The following NR1D2 variants were observed in gnomAD, a reference collection of about 807,000 sequenced individuals.
NR1D2 encodes V-erbA-related protein 1-related.
In NR1D2, 25 loss-of-function variants were observed where a neutral mutation model predicts 52.2. The observed-to-expected ratio is 0.48, with a 90% CI of 0.35 to 0.67. The LOEUF (loss-of-function observed/expected upper bound fraction) is 0.67, where lower values mean the gene tolerates loss of function less well. Among genes scored for constraint, NR1D2 ranks in the 30% least tolerant of loss-of-function variants. The pLI is 0.01. For missense variants in NR1D2, 681 were observed against 707.2 expected (o/e 0.96, Z 0.42); for synonymous variants, 259 against 230.1 (o/e 1.13, Z -1.14).
intron 5 of NR1D2, among the ~76,000 whole-genome samples, chr3:23,963,947 G>C (rs1168651891): frequency 6.8e-6 from 1 of 146,446 alleles, no homozygotes; most frequent in Admixed American, 6.8e-5. Flanking sequence ...ATAACTTCTT[G>C]GCTTCCTATT....
chr3:23,956,398 A>C (rs1706083478), intron 3 of NR1D2, among the ~76,000 whole-genome samples: 1 of 152,216 alleles, frequency 6.6e-6, no homozygotes, highest in African/African-American at 2.4e-5. Flanking sequence ...AAGTGCACCA[A>C]ATGCTCATTC....
At chr3:23,967,770 T>C (rs779771490) in intron 6 of NR1D2, 43 bp from the exon 7 acceptor site, 11 of 1,444,002 alleles carry the variant, frequency 7.6e-6, no homozygotes, top group Non-Finnish European at 1.0e-5. Context: ...TTTTTATTAT[T>C]GCTGTTAGAC....
At chr3:23,959,325 A>G (rs1240278347) in intron 3 of NR1D2, among the ~76,000 whole-genome samples, 1 of 152,074 alleles carries the variant, frequency 6.6e-6, no homozygotes, top group East Asian at 1.9e-4. Context: ...TTTGTAGTGA[A>G]TAAAAGTATG....
At chr3:23,955,295 C>A (rs1167889389) in intron 2 of NR1D2, among the ~76,000 whole-genome samples, 2 of 152,134 alleles carry the variant, frequency 1.3e-5, no homozygotes, top group Non-Finnish European at 2.9e-5. Flanking sequence ...ATATCCCTTT[C>A]CACCTTTTAT....
chr3:23,965,073 G>T lies in NR1D2; in HGVS notation c.1243G>T (p.Glu415Ter). Reference sequence around the variant, plus strand: ...GATGAGCTTCACTCCAGCAGTGAAAGAAGTGGTGGAATTTGCAAAGCGTAT... The same window carrying T: ...GATGAGCTTCACTCCAGCAGTGAAATAAGTGGTGGAATTTGCAAAGCGTAT... ...FSMSFTPAVK[E>*]VVEFAKRIPG... The change falls in exon 6 of 8, where the codon GAA (glutamate) becomes TAA (stop). Residue 415 changes from glutamate to a stop codon, truncating the protein, a stop_gained. Coordinates refer to ENST00000312521, the MANE Select transcript of NR1D2 (RefSeq NM_005126.5). LOFTEE classifies it high-confidence loss of function. The T allele has an allele frequency of 6.2e-7, 1 of 1,614,054 alleles. No individual in the cohort carries two copies.
chr3:23,959,544 C>T, intron 3 of NR1D2, 127 bp from the exon 4 acceptor site: 2 of 797,636 alleles, frequency 2.5e-6, no homozygotes, highest in African/African-American at 1.8e-5. Context: ...CATAGTGTTT[C>T]CCAGATAGTG....
At chr3:23,974,499 T>C (rs966576277) in intron 7 of NR1D2, among the ~76,000 whole-genome samples, 1 of 152,190 alleles carries the variant, frequency 6.6e-6, no homozygotes, top group Admixed American at 6.6e-5. Flanking sequence ...ACTATTTTCC[T>C]CTGTCAGAAT....
At chr3:23,967,212 A>G (rs986357996) in intron 6 of NR1D2, among the ~76,000 whole-genome samples, 4 of 152,090 alleles carry the variant, frequency 2.6e-5, no homozygotes, top group African/African-American at 9.7e-5. Flanking sequence ...AATCCCAGCT[A>G]GTTGGGAGGC....
At position 23,961,839 on chromosome 3, in the gene NR1D2, A is replaced by T. The variant is rs1706255202; in HGVS notation, c.518-138A>T. 1.0e-5 allele frequency: 8 copies of T among 772,600 alleles called. No individual in the cohort carries two copies. In the Admixed American group the frequency reaches 2.6e-4, roughly 25 times the overall value. The allele number at this position is 772,600 out of a possible 1,614,324, so 47.9% of individuals were successfully genotyped here. On this transcript the variant is annotated intron_variant, in intron 4 of 7. Transcript: ENST00000312521. ...CATCAAGACCAGCAAGTTTAGAAAA[A>T]TGTGGACCAGAGACATGTAGACTCA...
At position 23,962,206 on chromosome 3, in the gene NR1D2, A is replaced by G. The variant is rs1466580353; in HGVS notation, c.747A>G (p.Ala249=). 7 of 1,614,220 alleles carry G rather than the reference A, an allele frequency of 4.3e-6. No individual in the cohort carries two copies. The highest frequency in any genetic ancestry group is 5.9e-6 in the Non-Finnish European group (7 of 1,180,046). ...KSSSPPSSDF[A]KEEVIGMVTR... ...CTTCTCCTCCATCTTCTGATTTTGCAAAGGAAGAAGTGATTGGCATGGTGA... is the reference window on the plus strand; with the variant it reads ...CTTCTCCTCCATCTTCTGATTTTGCGAAGGAAGAAGTGATTGGCATGGTGA... Residue 249 remains alanine, a synonymous_variant, in exon 5 of 8, where the codon GCA becomes GCG. Coordinates refer to ENST00000312521, the MANE Select transcript of NR1D2 (RefSeq NM_005126.5).
At chr3:23,951,332 A>C (rs1705926464) in intron 1 of NR1D2, among the ~76,000 whole-genome samples, 1 of 152,136 alleles carries the variant, frequency 6.6e-6, no homozygotes, top group African/African-American at 2.4e-5. Context: ...CTTATCTTTT[A>C]TTTTCCTGAG....
At position 23,964,987 on chromosome 3, in the gene NR1D2, T is replaced by C; in HGVS notation, c.1157T>C (p.Met386Thr). 11 of 1,610,256 alleles carry C rather than the reference T, an allele frequency of 6.8e-6. No individual in the cohort carries two copies. The highest frequency in any genetic ancestry group is 9.3e-6 in the Non-Finnish European group (11 of 1,178,124). ...TTTTATGTATACTAGGTTTGTCCAA[T>C]GAGTAAGTCTCCATATGTGGATCCT... ...TGGRMHLVCP[M>T]SKSPYVDPHK... Residue 386 changes from methionine (M) to threonine (T), a missense_variant, in exon 6 of 8, where the codon ATG becomes ACG. By Grantham distance (81) the Met-to-Thr change is moderately conservative. Coordinates refer to ENST00000312521, the MANE Select transcript of NR1D2 (RefSeq NM_005126.5).
At position 23,965,124 on chromosome 3, in the gene NR1D2, C is replaced by T. The variant is rs1208506765; in HGVS notation, c.1294C>T (p.His432Tyr). The change falls in exon 6 of 8, where the codon CAT becomes TAT. Residue 432 changes from histidine (H) to tyrosine (Y), a missense_variant. Physicochemically the swap from His to Tyr is moderately conservative, Grantham distance 83. This residue lies in a region of NR1D2 where 475 missense variants were observed against 454.5 expected (regional missense o/e 1.05). Coordinates refer to ENST00000312521, the MANE Select transcript of NR1D2 (RefSeq NM_005126.5). ...TCCTGGGTTCAGAGATCTCTCTCAG[C>T]ATGACCAGGTCAACCTTTTAAAGGC... is the stretch of plus-strand genomic sequence containing the variant. ...RIPGFRDLSQ[H>Y]DQVNLLKAGT... The T allele has an allele frequency of 3.7e-6, 6 of 1,612,998 alleles. No individual in the cohort carries two copies. Among genetic ancestry groups the T allele is most frequent in the Non-Finnish European group, 5.1e-6 (6 of 1,179,730 alleles).
chr3:23,962,549 T>C lies in NR1D2; in HGVS notation c.1090T>C (p.Ser364Pro). Residue 364 changes from serine (S) to proline (P), a missense_variant, in exon 5 of 8, where the codon TCT becomes CCT. Coordinates refer to ENST00000312521, the MANE Select transcript of NR1D2 (RefSeq NM_005126.5). ...VCDRVPIDGF[S>P]QNENKNSYLC... ...TGATAGAGTTCCGATAGATGGATTT[T>C]CTCAGAATGAGAACAAGAATAGTTA... is the stretch of plus-strand genomic sequence containing the variant. 9 of 1,613,524 alleles carry C rather than the reference T, an allele frequency of 5.6e-6. No homozygotes were observed. Among genetic ancestry groups the C allele is most frequent in the Non-Finnish European group, 7.6e-6 (9 of 1,179,522 alleles).
chr3:23,968,624 A>G (rs1357402546), intron 7 of NR1D2, among the ~76,000 whole-genome samples: 1 of 152,212 alleles, frequency 6.6e-6, no homozygotes, highest in African/African-American at 2.4e-5. Flanking sequence ...CACTGTTTGA[A>G]TGAGTGAGCA....
At chr3:23,969,204 T>G (rs1458875977) in intron 7 of NR1D2, among the ~76,000 whole-genome samples, 1 of 152,100 alleles carries the variant, frequency 6.6e-6, no homozygotes, top group Non-Finnish European at 1.5e-5. Flanking sequence ...GAGAATCGCT[T>G]GAACCTGGGA....
At chr3:23,974,568 C>A (rs1005084089) in intron 7 of NR1D2, among the ~76,000 whole-genome samples, 2 of 151,974 alleles carry the variant, frequency 1.3e-5, no homozygotes, top group African/African-American at 4.8e-5. Flanking sequence ...CACCTTAGAA[C>A]AGTAACCAGT....
At chr3:23,969,169 C>T (rs1456659841) in intron 7 of NR1D2, among the ~76,000 whole-genome samples, 1 of 152,072 alleles carries the variant, frequency 6.6e-6, no homozygotes, top group African/African-American at 2.4e-5. Flanking sequence ...GCCTGTAGTC[C>T]CAGCTACTCA....
At chr3:23,969,550 A>G (rs1706534834) in intron 7 of NR1D2, among the ~76,000 whole-genome samples, 1 of 152,204 alleles carries the variant, frequency 6.6e-6, no homozygotes, top group South Asian at 2.1e-4. Flanking sequence ...TTGATAAGTA[A>G]TTAGTATTGG....
Sources: allele counts gnomAD v4.1 joint callset (sites outside exome capture counted in the v4.1 genomes callset), GRCh38; gene constraint gnomAD v4.1.1; regional missense constraint gnomAD v4.1.1; transcripts MANE v1.5; gene names NCBI Gene and HGNC (gene_info 2026-07-23, HGNC 2026-07-21).